Variants in GLMN observed in about 807,000 individuals in gnomAD.
GLMN encodes glomulin, FKBP associated protein.
In GLMN, 75 loss-of-function variants were observed where a neutral mutation model predicts 87.8. The observed-to-expected ratio is 0.85, with a 90% CI of 0.71 to 1.04. The LOEUF (loss-of-function observed/expected upper bound fraction) is 1.04. Among genes scored for constraint, GLMN ranks in the 50% least tolerant of loss-of-function variants. The pLI, the probability that GLMN is intolerant of heterozygous loss-of-function variation, is 0.00. For synonymous variants in GLMN, 206 were observed against 221.6 expected (o/e 0.93, Z 0.63); for missense variants, 588 against 658.8 (o/e 0.89, Z 1.18).
At chr1:92,349,665 T>C in the GLMN span, among the ~76,000 whole-genome samples, 1 of 152,224 alleles carries the variant, frequency 6.6e-6, no homozygotes, top group Middle Eastern at 3.2e-3. Context: ...CAGTGGCTCA[T>C]GCCTATAATC....
chr1:92,247,265 T>C (rs1652814730), intron 17 of GLMN, 121 bp from the exon 18 acceptor site: 2 of 727,940 alleles, frequency 2.7e-6, no homozygotes, highest in South Asian at 2.9e-5. Context: ...ATTAAGTCCA[T>C]TGTTTAACAG....
At chr1:92,251,659 T>C (rs1049158112) in intron 16 of GLMN, among the ~76,000 whole-genome samples, 1 of 152,192 alleles carries the variant, frequency 6.6e-6, no homozygotes, top group Admixed American at 6.5e-5. Flanking sequence ...ACTGGAATAT[T>C]TGCAAAAATA....
chr1:92,262,837 A>G, intron 16 of GLMN, 26 bp downstream of exon 16: 1 of 917,014 alleles, frequency 1.1e-6, no homozygotes, highest in Non-Finnish European at 1.8e-6. Context: ...ATATACTCAC[A>G]GTTTCTTTTC....
At chr1:92,283,077 A>C (rs1033889089) in intron 7 of GLMN, among the ~76,000 whole-genome samples, 2 of 152,332 alleles carry the variant, frequency 1.3e-5, no homozygotes, top group African/African-American at 4.8e-5. Flanking sequence ...ATTCCTTCTG[A>C]AACTATTCCA....
the GLMN span, among the ~76,000 whole-genome samples, chr1:92,318,498 T>C: frequency 3.8e-3 from 573 of 152,298 alleles, 1 homozygote; most frequent in Non-Finnish European, 6.2e-3. Flanking sequence ...TTTTTTTCTT[T>C]CTTACTGACT....
At chr1:92,293,061 T>C (rs951437807) in intron 3 of GLMN, among the ~76,000 whole-genome samples, 11 of 151,714 alleles carry the variant, frequency 7.3e-5, no homozygotes, top group Non-Finnish European at 1.6e-4. Flanking sequence ...ATCTAACCCA[T>C]CTGACAAGAG....
intron 12 of GLMN, 27 bp from the exon 13 acceptor site, chr1:92,266,519 T>C (rs946953080): frequency 7.3e-7 from 1 of 1,366,620 alleles, no homozygotes; most frequent in Non-Finnish European, 1.0e-6. Context: ...AATATTATTA[T>C]ATAAAATGAA....
chr1:92,362,502 T>G, the GLMN span, among the ~76,000 whole-genome samples: 4 of 152,316 alleles, frequency 2.6e-5, no homozygotes, highest in Admixed American at 1.3e-4. Flanking sequence ...TGAATGAGTT[T>G]GGGATTTGGC....
chr1:92,359,843 A>C, the GLMN span, among the ~76,000 whole-genome samples: 4 of 152,204 alleles, frequency 2.6e-5, no homozygotes, highest in Non-Finnish European at 5.9e-5. Context: ...GATGGGACAG[A>C]ACTTTGTGGG....
chr1:92,246,669 T>C, intron 18 of GLMN, 23 bp from the exon 19 acceptor site: 1 of 1,134,904 alleles, frequency 8.8e-7, no homozygotes, highest in Non-Finnish European at 1.3e-6. Flanking sequence ...GAAAAAGTAA[T>C]GTTATTAATG....
At chr1:92,344,862 T>C in the GLMN span, among the ~76,000 whole-genome samples, 1 of 152,304 alleles carries the variant, frequency 6.6e-6, no homozygotes, top group East Asian at 1.9e-4. Context: ...CCATTTCAAA[T>C]TTCCTCCTCT....
the GLMN span, among the ~76,000 whole-genome samples, chr1:92,329,631 T>C: frequency 2.7e-3 from 410 of 152,350 alleles, 1 homozygote; most frequent in African/African-American, 9.6e-3. Context: ...CATGCCGCTC[T>C]GTCTGACCAA....
At chr1:92,257,292 G>A (rs1468977101) in intron 16 of GLMN, among the ~76,000 whole-genome samples, 1 of 152,164 alleles carries the variant, frequency 6.6e-6, no homozygotes, top group Non-Finnish European at 1.5e-5. Flanking sequence ...TCGGTAGGAA[G>A]AATCAATATT....
intron 7 of GLMN, among the ~76,000 whole-genome samples, chr1:92,274,018 TGAG>T (rs1451798873): frequency 2.0e-5 from 3 of 152,200 alleles, no homozygotes; most frequent in Non-Finnish European, 4.4e-5. Context: ...TGTACCAAAG[TGAG>T]GATGGCTGAG....
At chr1:92,355,965 G>A in the GLMN span, among the ~76,000 whole-genome samples, 2 of 152,122 alleles carry the variant, frequency 1.3e-5, no homozygotes, top group African/African-American at 2.4e-5. Context: ...AAAGGAGAAC[G>A]TGGAGTGGTT....
At chr1:92,255,384 A>C (rs1249154333) in intron 16 of GLMN, among the ~76,000 whole-genome samples, 1 of 152,228 alleles carries the variant, frequency 6.6e-6, no homozygotes, top group African/African-American at 2.4e-5. Context: ...TCAGGATTTC[A>C]ACTCAGCTCT....
At chr1:92,290,726 G>A (rs1649312030) in intron 4 of GLMN, among the ~76,000 whole-genome samples, 1 of 152,168 alleles carries the variant, frequency 6.6e-6, no homozygotes, top group African/African-American at 2.4e-5. Flanking sequence ...CATCTCACTT[G>A]ACTGGTTTTT....
chr1:92,312,705 G>A, the GLMN span, among the ~76,000 whole-genome samples: 21 of 152,078 alleles, frequency 1.4e-4, no homozygotes, highest in South Asian at 1.2e-3. Context: ...CTACCTCTAC[G>A]GAAGTCTTGA....
At chr1:92,302,590 ATTTTTTTTT>A (rs36067595), upstream of GLMN, among the ~76,000 whole-genome samples, 7 of 74,316 alleles carry the variant, frequency 9.4e-5, no homozygotes, top group South Asian at 1.3e-3. Context: ...TCCGCATTAA[ATTTTTTTTT>A]TTTTTTTTTT....
Sources: gnomAD v4.1 joint callset for allele counts (sites outside exome capture counted in the v4.1 genomes callset) on GRCh38, gnomAD v4.1.1 for gene constraint, MANE v1.5 for transcripts, NCBI Gene and HGNC (gene_info 2026-07-23, HGNC 2026-07-21) for gene names.